The following IFT74 variants were observed in gnomAD, a reference collection of about 807,000 sequenced individuals.
IFT74 encodes intraflagellar transport protein 74 homolog.
In IFT74, 92 loss-of-function variants were observed where a neutral mutation model predicts 96.7. That is an observed-to-expected ratio of 0.95 (90% confidence interval 0.80 to 1.13). The LOEUF (loss-of-function observed/expected upper bound fraction) is 1.13. IFT74 is among the 50% of genes most tolerant of loss of function. The pLI is 0.00. For missense variants in IFT74, 811 were observed against 698.2 expected (o/e 1.16, Z -1.82); for synonymous variants, 223 against 213.2 (o/e 1.05, Z -0.40).
At chr9:27,007,461 C>T (rs1003145353) in intron 8 of IFT74, among the ~76,000 whole-genome samples, 1 of 152,162 alleles carries the variant, frequency 6.6e-6, no homozygotes, top group African/African-American at 2.4e-5. Context: ...TTTCTTTGAG[C>T]TCATATACCT....
At chr9:27,056,512 C>T (rs1820165568) in intron 18 of IFT74, 53 bp downstream of exon 18, 7 of 1,456,540 alleles carry the variant, frequency 4.8e-6, no homozygotes, top group Non-Finnish European at 5.6e-6. Flanking sequence ...ATTTTCACCC[C>T]AAAACAATCA....
chr9:26,960,236 A>T (rs147147270), intron 1 of IFT74, among the ~76,000 whole-genome samples: 2 of 152,086 alleles, frequency 1.3e-5, no homozygotes, highest in African/African-American at 4.8e-5. Context: ...TCAGTCTCTC[A>T]TACTAGATTT....
intron 9 of IFT74, among the ~76,000 whole-genome samples, chr9:27,010,191 G>A (rs1472962299): frequency 1.3e-5 from 2 of 151,454 alleles, no homozygotes; most frequent in Non-Finnish European, 2.9e-5. Context: ...GGGTTTCACC[G>A]TGTTAGTCAG....
rs1337197330 is a variant in IFT74 at position 27,029,100 on chromosome 9, C to G, written c.1050C>G (p.His350Gln). The G allele has an allele frequency of 6.3e-7, 1 of 1,595,708 alleles. No individual in the cohort carries two copies. The highest frequency in any genetic ancestry group is 1.3e-5 in the African/African-American group (1 of 74,078). Residue 350 changes from histidine (H) to glutamine (Q), a missense_variant, in exon 13 of 20, where the codon CAC becomes CAG. By Grantham distance (24) the His-to-Gln change is conservative. Transcript: ENST00000380062. The part of the protein sequence containing the change: ...IRQLDMDLEE[H>Q]QGEMNQKYKE... ...AACTTGACATGGATTTAGAGGAACA[C>G]CAAGGTATGCTTCTGGTATTTTTAT...
At chr9:26,981,813 G>T (rs1827389699) in intron 4 of IFT74, among the ~76,000 whole-genome samples, 1 of 151,210 alleles carries the variant, frequency 6.6e-6, no homozygotes, top group African/African-American at 2.4e-5. Flanking sequence ...TGTCGCCCAG[G>T]CTGGAGTGCA....
In IFT74 at chr9:27,062,831, G is replaced by T. The variant is rs950298008; in HGVS notation, c.*95G>T. 15 of 708,306 alleles carry T rather than the reference G, an allele frequency of 2.1e-5. No individual in the cohort carries two copies. Among genetic ancestry groups the T allele is most frequent in the Non-Finnish European group, 3.6e-5 (15 of 414,392 alleles). The allele number at this position is 708,306 out of a possible 1,614,324, so 43.9% of individuals were successfully genotyped here. On this transcript the variant is annotated 3_prime_UTR_variant, in exon 20 of 20. Transcript: ENST00000380062. ...AAAAAAAAAAAAGCTTACTTTTGGA[G>T]TTTACCTAAAATTTCTGAATGTTAT... is the stretch of plus-strand genomic sequence containing the variant.
chr9:27,016,997 G>A lies in IFT74; in HGVS notation c.880G>A (p.Glu294Lys), dbSNP rs1386180041. ...GTCCCATCGAGATCAAATGATTGCA[G>A]AAGACAAAAGCATAGGATCTCCAAT... ...LESHRDQMIAEDKSIGSPMEE... is the reference protein window; with the variant it reads ...LESHRDQMIAKDKSIGSPMEE... The change falls in exon 11 of 20, where the codon GAA becomes AAA. Residue 294 changes from glutamate (E) to lysine (K), a missense_variant. By Grantham distance (56) the Glu-to-Lys change is moderately conservative (BLOSUM62 1). Coordinates refer to ENST00000380062, the MANE Select transcript of IFT74 (RefSeq NM_025103.4). 8 of 1,610,660 alleles carry A rather than the reference G, an allele frequency of 5.0e-6. No individual in the cohort carries two copies. Among genetic ancestry groups the A allele is most frequent in the Non-Finnish European group, 5.9e-6 (7 of 1,178,326 alleles).
rs1242052453 is a variant in IFT74 at position 26,947,369 on chromosome 9, A to C, written c.-20+223A>C. 20 of 287,130 alleles carry C rather than the reference A, an allele frequency of 7.0e-5. No individual in the cohort carries two copies. In the Admixed American group the frequency reaches 9.0e-4, roughly 13 times the overall value. The allele number at this position is 287,130 out of a possible 1,614,324, so 17.8% of individuals were successfully genotyped here. On this transcript the variant is annotated intron_variant, in intron 1 of 19. Coordinates refer to the IFT74 transcript ENST00000433700. The stretch of plus-strand genomic sequence containing the variant: ...CAGGGCTCTGGACTCCCTGCTGAGC[A>C]AGAGAGAAAGAGGCCCGCCCTTCCA...
chr9:26,969,250 T>C (rs1409527785), intron 2 of IFT74, among the ~76,000 whole-genome samples: 1 of 152,140 alleles, frequency 6.6e-6, no homozygotes, highest in Non-Finnish European at 1.5e-5. Flanking sequence ...TTTTATTCCA[T>C]TATGGTCAGA....
Position 27,055,624 on chromosome 9 carries a change from A to T in IFT74, c.1349A>T (p.Gln450Leu), listed in dbSNP as rs1432043765. ...QNLTSDIQRLQLDLQKMELLE... is the reference protein window; with the variant it reads ...QNLTSDIQRLLLDLQKMELLE... ...TATGTTTCAGACATTCAACGTCTGC[A>T]GTTGGATCTGCAGAAAATGGAGCTT... The change falls in exon 17 of 20, where the codon CAG becomes CTG. Residue 450 changes from glutamine (Q) to leucine (L), a missense_variant. Physicochemically the swap from Gln to Leu is moderately radical, Grantham distance 113 (BLOSUM62 -2). Transcript: ENST00000380062. The T allele has an allele frequency of 6.3e-7, 1 of 1,578,450 alleles. No individual in the cohort carries two copies.
chr9:27,031,264 G>C (rs1830108894), intron 13 of IFT74, among the ~76,000 whole-genome samples: 1 of 152,024 alleles, frequency 6.6e-6, no homozygotes, highest in Non-Finnish European at 1.5e-5. Context: ...GGATCACCAG[G>C]TCAGGAGATC....
At chr9:26,999,753 T>C in intron 8 of IFT74, 1 of 1,252,426 alleles carries the variant, frequency 8.0e-7, no homozygotes, top group Non-Finnish European at 1.1e-6. Flanking sequence ...TTTTTCCCTC[T>C]TTTGAATCTG....
chr9:27,012,717 T>TG (rs1829151222), intron 10 of IFT74, among the ~76,000 whole-genome samples: 1 of 136,798 alleles, frequency 7.3e-6, no homozygotes, highest in Non-Finnish European at 1.6e-5. Flanking sequence ...TGTTTTTTTT[T>TG]TTTTTTTTTT....
intron 16 of IFT74, among the ~76,000 whole-genome samples, chr9:27,050,416 G>A (rs954661144): frequency 6.6e-6 from 1 of 152,112 alleles, no homozygotes; most frequent in Non-Finnish European, 1.5e-5. Context: ...GCTGCCATTG[G>A]GATGGTGCAG....
At chr9:27,000,307 T>C (rs1248147871) in intron 8 of IFT74, among the ~76,000 whole-genome samples, 1 of 152,218 alleles carries the variant, frequency 6.6e-6, no homozygotes, top group Non-Finnish European at 1.5e-5. Context: ...TTTTAAAAAT[T>C]TAATATAGAA....
intron 19 of IFT74, 87 bp downstream of exon 19, chr9:27,060,738 C>T (rs1427832723): frequency 1.1e-6 from 1 of 875,074 alleles, no homozygotes; most frequent in African/African-American, 1.7e-5. Flanking sequence ...GCAGGTGGGC[C>T]ACAAGGTCAG....
chr9:26,953,256 T>A (rs564820404), upstream of IFT74, among the ~76,000 whole-genome samples: 20 of 152,210 alleles, frequency 1.3e-4, no homozygotes, highest in Non-Finnish European at 2.2e-4. Flanking sequence ...GGGTTCCTAG[T>A]CAGCCTCTGC....
upstream of IFT74, among the ~76,000 whole-genome samples, chr9:26,953,589 G>T (rs1448637513): frequency 6.6e-6 from 1 of 152,132 alleles, no homozygotes; most frequent in African/African-American, 2.4e-5. Flanking sequence ...ATATTCACTA[G>T]TAAGTTCACT....
chr9:27,053,551 A>G (rs998076056), intron 16 of IFT74, among the ~76,000 whole-genome samples: 5 of 152,164 alleles, frequency 3.3e-5, no homozygotes, highest in Non-Finnish European at 7.4e-5. Flanking sequence ...TCCTATGTAC[A>G]CACTGCTTGG....
Sources: allele counts gnomAD v4.1 joint callset (sites outside exome capture counted in the v4.1 genomes callset), GRCh38; gene constraint gnomAD v4.1.1; transcripts MANE v1.5; gene names NCBI Gene and HGNC (gene_info 2026-07-23, HGNC 2026-07-21).